Variants in LRFN5 observed in about 807,000 individuals in gnomAD.
The protein encoded by LRFN5 is leucine rich repeat and fibronectin type III domain containing 5, also known as leucine-rich repeat and fibronectin type-III domain-containing protein 5.
Under a neutral mutation model 45.6 loss-of-function variants are expected in LRFN5, and 24 were observed. The ratio of observed to expected loss-of-function variants is 0.53; its 90% CI spans 0.38 to 0.74. The LOEUF is 0.74. LRFN5 is among the 30% of genes least tolerant of loss of function. The probability of loss-of-function intolerance (pLI) is 0.00; values close to 1 mark genes in which losing one functional copy is unlikely to be tolerated. For synonymous variants in LRFN5, 340 were observed against 313.8 expected (o/e 1.08, Z -0.88); for missense variants, 776 against 861.5 (o/e 0.90, Z 1.24).
intron 1 of LRFN5, among the ~76,000 whole-genome samples, chr14:41,755,429 C>G (rs1885330268): frequency 1.3e-5 from 2 of 152,246 alleles, no homozygotes; most frequent in South Asian, 4.1e-4. Flanking sequence ...TAAGGACTTG[C>G]TTTATGAATC....
chr14:41,734,318 A>ATT (rs1884320056), intron 1 of LRFN5, among the ~76,000 whole-genome samples: 79 of 59,520 alleles, frequency 1.3e-3, no homozygotes, highest in African/African-American at 0.011. Flanking sequence ...GACTGGTTTT[A>ATT]TATATATATA....
chr14:41,650,470 A>C (rs1305356937), intron 1 of LRFN5, among the ~76,000 whole-genome samples: 3 of 152,142 alleles, frequency 2.0e-5, no homozygotes, highest in African/African-American at 7.2e-5. Context: ...GCAATTAAAG[A>C]TGTGCTTCAG....
chr14:41,757,537 G>A (rs1594680882), intron 1 of LRFN5, among the ~76,000 whole-genome samples: 1 of 152,306 alleles, frequency 6.6e-6, no homozygotes, highest in Non-Finnish European at 1.5e-5. Flanking sequence ...AGGCTCCGTG[G>A]GCGTAGGACC....
intron 1 of LRFN5, among the ~76,000 whole-genome samples, chr14:41,757,201 G>A (rs535122682): frequency 5.3e-5 from 8 of 152,310 alleles, no homozygotes; most frequent in Admixed American, 2.0e-4. Context: ...CTACTCGGGG[G>A]TCAGGGACCC....
chr14:41,664,336 A>C (rs944067073), intron 1 of LRFN5, among the ~76,000 whole-genome samples: 1 of 151,998 alleles, frequency 6.6e-6, no homozygotes, highest in African/African-American at 2.4e-5. Context: ...TATTGCTTAT[A>C]TCAATTTTCA....
At chr14:41,757,316 T>A (rs2138859428) in intron 1 of LRFN5, among the ~76,000 whole-genome samples, 1 of 152,302 alleles carries the variant, frequency 6.6e-6, no homozygotes, top group South Asian at 2.1e-4. Flanking sequence ...CTGCAGAGAT[T>A]TCTGCTGCCT....
intron 1 of LRFN5, among the ~76,000 whole-genome samples, chr14:41,619,040 G>A (rs1888021809): frequency 1.8e-4 from 1 of 5,666 alleles, no homozygotes; most frequent in Non-Finnish European, 3.1e-4. Flanking sequence ...TTTTCCTCTT[G>A]TGCTAGGAGT....
chr14:41,846,347 A>G (rs569619570), intron 2 of LRFN5, among the ~76,000 whole-genome samples: 2 of 152,320 alleles, frequency 1.3e-5, no homozygotes, highest in South Asian at 2.1e-4. Context: ...TGAAATAATC[A>G]AAAACTAGAA....
At chr14:41,618,328 T>C (rs1353586688) in intron 1 of LRFN5, among the ~76,000 whole-genome samples, 1 of 152,214 alleles carries the variant, frequency 6.6e-6, no homozygotes, top group Non-Finnish European at 1.5e-5. Flanking sequence ...GCTGGCCTTT[T>C]TACTTGCTTT....
intron 2 of LRFN5, among the ~76,000 whole-genome samples, chr14:41,861,288 C>T (rs954232373): frequency 6.6e-6 from 1 of 151,982 alleles, no homozygotes; most frequent in African/African-American, 2.4e-5. Context: ...TTTACTAGCT[C>T]GATTATTGTT....
chr14:41,903,314 C>T lies in LRFN5; in HGVS notation c.2143-844C>T, dbSNP rs947821108. Among the ~76,000 whole-genome samples, 6 of 151,412 alleles carry T rather than the reference C, an allele frequency of 4.0e-5. No individual in the cohort carries two copies. In the South Asian group the frequency reaches 8.4e-4, roughly 21 times the overall value. ...TATAGAATACTAAATAAATGAATCT[C>T]TATTTCATGATTCATTCATGCCATG... On this transcript the variant is annotated intron_variant, in intron 5 of 5. Coordinates refer to ENST00000298119, the MANE Select transcript of LRFN5 (RefSeq NM_152447.5).
chr14:41,855,027 C>T lies in LRFN5; in HGVS notation c.-20-31579C>T, dbSNP rs548131789. On this transcript the variant is annotated intron_variant, in intron 2 of 5. Coordinates refer to ENST00000298119, the MANE Select transcript of LRFN5 (RefSeq NM_152447.5). ...GATAAAATTCTATCAAACTTAAAAACGTCTGCATTTAAACCCAGTGATCTT... is the reference window on the plus strand; with the variant it reads ...GATAAAATTCTATCAAACTTAAAAATGTCTGCATTTAAACCCAGTGATCTT... Among the ~76,000 whole-genome samples, 111 of 152,218 alleles carry T rather than the reference C, an allele frequency of 7.3e-4. 1 individual carries two copies. Among genetic ancestry groups the T allele is most frequent in the African/African-American group, 2.4e-3 (101 of 41,552 alleles).
intron 1 of LRFN5, among the ~76,000 whole-genome samples, chr14:41,732,549 C>A (rs188433385): frequency 6.6e-6 from 1 of 151,940 alleles, no homozygotes; most frequent in African/African-American, 2.4e-5. Context: ...ACATTTCAGG[C>A]GAACTCTGCA....
At chr14:41,860,758 A>G (rs1329822098) in intron 2 of LRFN5, among the ~76,000 whole-genome samples, 1 of 152,246 alleles carries the variant, frequency 6.6e-6, no homozygotes, top group African/African-American at 2.4e-5. Flanking sequence ...GTAACAAGTC[A>G]TTTCTCCAGA....
At chr14:41,845,137 A>G (rs1235507608) in intron 2 of LRFN5, among the ~76,000 whole-genome samples, 1 of 92,838 alleles carries the variant, frequency 1.1e-5, no homozygotes, top group Non-Finnish European at 2.1e-5. Context: ...CTGCTGGGGG[A>G]AAACATGAGT....
At chr14:41,815,535 T>C (rs1887887761) in intron 2 of LRFN5, among the ~76,000 whole-genome samples, 1 of 152,012 alleles carries the variant, frequency 6.6e-6, no homozygotes, top group South Asian at 2.1e-4. Flanking sequence ...ATAAGGAGTT[T>C]GAGAGCGGTT....
In LRFN5 at chr14:41,904,415, A is replaced by G; in HGVS notation, c.*240A>G. 1 of 422,236 alleles carries G rather than the reference A, an allele frequency of 2.4e-6. No homozygotes were observed. Among genetic ancestry groups the G allele is most frequent in the Non-Finnish European group, 4.2e-6 (1 of 239,216 alleles). The allele number at this position is 422,236 out of a possible 1,614,324, so 26.2% of individuals were successfully genotyped here. A position where few individuals can be genotyped will look rare whatever the true frequency, so the allele number is the denominator to read the frequency against. ...TCTGGCCTACAAGTATTTTTTTTTT[A>G]AAAAAGAAAAAAAGCCTACATTGGC... On this transcript the variant is annotated 3_prime_UTR_variant, in exon 6 of 6. Transcript: ENST00000298119.
At chr14:41,649,441 G>GT (rs1879985391) in intron 1 of LRFN5, among the ~76,000 whole-genome samples, 1 of 152,030 alleles carries the variant, frequency 6.6e-6, no homozygotes, top group African/African-American at 2.4e-5. Flanking sequence ...TAGCTGTTAA[G>GT]ATACTATAAT....
intron 1 of LRFN5, among the ~76,000 whole-genome samples, chr14:41,671,603 G>T (rs1399627539): frequency 5.5e-5 from 4 of 72,242 alleles, no homozygotes; most frequent in South Asian, 6.0e-4. Context: ...GTGGAGGAGA[G>T]ATTTTTTTTT....
Sources: allele counts gnomAD v4.1 joint callset (sites outside exome capture counted in the v4.1 genomes callset), GRCh38; gene constraint gnomAD v4.1.1; transcripts MANE v1.5; gene names NCBI Gene and HGNC (gene_info 2026-07-23, HGNC 2026-07-21).